Variants in ITGB3BP observed in about 807,000 individuals in gnomAD.
The protein encoded by ITGB3BP is integrin subunit beta 3 binding protein, also known as centromere protein R.
A neutral mutation model predicts 29.1 loss-of-function variants in ITGB3BP; 27 were observed. That is an observed-to-expected ratio of 0.93 (90% CI 0.68 to 1.28). The LOEUF (loss-of-function observed/expected upper bound fraction) is 1.28, where lower values mean the gene tolerates loss of function less well. Among genes scored for constraint, ITGB3BP ranks in the 50% most tolerant of loss-of-function variants. The pLI is 0.00. For missense variants in ITGB3BP, 192 were observed against 200.2 expected (o/e 0.96, Z 0.25); for synonymous variants, 61 against 61.4 (o/e 0.99, Z 0.03).
intron 1 of ITGB3BP, among the ~76,000 whole-genome samples, chr1:63,521,609 A>G (rs549595490): frequency 6.6e-6 from 1 of 152,246 alleles, no homozygotes; most frequent in African/African-American, 2.4e-5. Flanking sequence ...AGGTGGAAGG[A>G]TCACTTAAGC....
chr1:63,500,046 AT>A (rs1333085961), intron 2 of ITGB3BP, among the ~76,000 whole-genome samples: 4 of 152,216 alleles, frequency 2.6e-5, no homozygotes, highest in African/African-American at 7.2e-5. Flanking sequence ...AAGTAAAACT[AT>A]CCCTACTTGC....
chr1:63,459,178 G>A (rs1644977394), intron 4 of ITGB3BP, among the ~76,000 whole-genome samples: 1 of 151,892 alleles, frequency 6.6e-6, no homozygotes, highest in African/African-American at 2.4e-5. Flanking sequence ...CTAATTTAAT[G>A]AATCTTCTTT....
In ITGB3BP at chr1:63,453,975, C is replaced by T; in HGVS notation, c.428-1G>A. 1 of 1,556,788 alleles carries T rather than the reference C, an allele frequency of 6.4e-7. No homozygotes were observed. The highest frequency in any genetic ancestry group is 8.8e-7 in the Non-Finnish European group (1 of 1,135,020). ...AGTTTTTGTTTATTCACTTTTGTCA[C>T]TAAAAGAAGTAAAAATCCCATGTCA... On this transcript the variant is annotated splice_acceptor_variant, in intron 6 of 8. Coordinates refer to ENST00000271002, the MANE Select transcript of ITGB3BP (RefSeq NM_014288.5). LOFTEE classifies it high-confidence loss of function.
intron 4 of ITGB3BP, among the ~76,000 whole-genome samples, chr1:63,462,667 G>A (rs910710187): frequency 6.6e-6 from 1 of 152,080 alleles, no homozygotes; most frequent in African/African-American, 2.4e-5. Flanking sequence ...GGCCTAATAT[G>A]GAATATAGGC....
At chr1:63,442,792 A>G (rs1339131865) in intron 8 of ITGB3BP, 3 of 152,180 alleles carry the variant, frequency 2.0e-5, no homozygotes, top group African/African-American at 7.2e-5. Flanking sequence ...CTTGCCTTAT[A>G]TTTTGTGTCC....
chr1:63,509,918 C>T (rs754485564), intron 1 of ITGB3BP: 40 of 379,926 alleles, frequency 1.1e-4, no homozygotes, highest in Admixed American at 2.3e-4. Context: ...TTACACCAGG[C>T]GTGGTGGCTC....
rs1646140631 is a variant in ITGB3BP at position 63,508,989 on chromosome 1, GTGC to G, written c.6-422_6-420del. Among the ~76,000 whole-genome samples, 3 of 152,232 alleles carry G rather than the reference GTGC, an allele frequency of 2.0e-5. No individual in the cohort carries two copies. The East Asian group carries it at 5.8e-4, about 29-fold the overall frequency. ...ATGTTGAAAGTACAGTACAGAAACA[GTGC>G]ACTAGGTGTTAAAGGTATGAGCATG... On this transcript the variant is annotated intron_variant, in intron 1 of 8. Coordinates refer to ENST00000271002, the MANE Select transcript of ITGB3BP (RefSeq NM_014288.5).
intron 2 of ITGB3BP, among the ~76,000 whole-genome samples, chr1:63,493,777 T>C (rs1052266397): frequency 6.6e-6 from 1 of 152,212 alleles, no homozygotes; most frequent in African/African-American, 2.4e-5. Context: ...ATTTTACTGA[T>C]TTTTTTAAAC....
At chr1:63,441,279 C>G (rs1352309285) in intron 8 of ITGB3BP, among the ~76,000 whole-genome samples, 176 bp from the exon 9 acceptor site, 1 of 152,158 alleles carries the variant, frequency 6.6e-6, no homozygotes, top group Non-Finnish European at 1.5e-5. Context: ...TCACTCTCCC[C>G]CAGGCTGGAG....
chr1:63,525,364 T>G (rs184269237), upstream of ITGB3BP, among the ~76,000 whole-genome samples: 157 of 152,302 alleles, frequency 1.0e-3, 1 homozygote, highest in African/African-American at 3.6e-3. Flanking sequence ...TATTCTTGTT[T>G]AATATATAAT....
chr1:63,490,182 C>T lies in ITGB3BP; in HGVS notation c.85G>A (p.Val29Ile). The change falls in exon 3 of 9, where the codon GTT becomes ATT. Residue 29 changes from valine (V) to isoleucine (I), a missense_variant. By Grantham distance (29) the Val-to-Ile change is conservative. Transcript: ENST00000271002. ...DPSKITRKKSVITYSPTTGTC... is the reference protein window; with the variant it reads ...DPSKITRKKSIITYSPTTGTC... ...CCAGTTGTTGGAGAATAAGTTATAACACTTTTCTTCCTTGTGATTTTTGAA... is the reference window on the plus strand; with the variant it reads ...CCAGTTGTTGGAGAATAAGTTATAATACTTTTCTTCCTTGTGATTTTTGAA... 6.3e-7 allele frequency: 1 copy of T among 1,587,240 alleles called. No homozygotes were observed.
intron 8 of ITGB3BP, among the ~76,000 whole-genome samples, chr1:63,443,892 T>C (rs1033043936): frequency 6.6e-6 from 1 of 151,986 alleles, no homozygotes; most frequent in Non-Finnish European, 1.5e-5. Flanking sequence ...TGGGGGACAT[T>C]GTATGGCAGC....
At chr1:63,523,106 A>G in intron 1 of ITGB3BP, 23 bp downstream of exon 1, 1 of 1,613,932 alleles carries the variant, frequency 6.2e-7, no homozygotes, top group Non-Finnish European at 8.5e-7. Context: ...CAAAACAGCA[A>G]TACCTGGGGA....
intron 2 of ITGB3BP, among the ~76,000 whole-genome samples, chr1:63,493,453 C>A (rs1242528330): frequency 6.6e-6 from 1 of 151,672 alleles, no homozygotes; most frequent in Non-Finnish European, 1.5e-5. Flanking sequence ...AACAAACAAA[C>A]AAACCTGCTT....
At chr1:63,461,782 T>C (rs1324035035) in intron 4 of ITGB3BP, among the ~76,000 whole-genome samples, 1 of 152,242 alleles carries the variant, frequency 6.6e-6, no homozygotes, top group East Asian at 1.9e-4. Flanking sequence ...GCCATAGATG[T>C]ATGCATTTGT....
upstream of ITGB3BP, chr1:63,523,479 G>C (rs1404456401): frequency 7.8e-6 from 3 of 385,194 alleles, no homozygotes; most frequent in South Asian, 2.7e-5. Flanking sequence ...TAGCCGGATC[G>C]TTTGGAGAAG....
At chr1:63,478,163 G>A (rs1187411098) in intron 4 of ITGB3BP, among the ~76,000 whole-genome samples, 2 of 152,190 alleles carry the variant, frequency 1.3e-5, no homozygotes, top group Non-Finnish European at 2.9e-5. Flanking sequence ...CAGGACAGAG[G>A]CAACCATTCA....
At chr1:63,528,239 A>G (rs927680281) in intron 2 of ITGB3BP, among the ~76,000 whole-genome samples, 1 of 152,234 alleles carries the variant, frequency 6.6e-6, no homozygotes, top group Admixed American at 6.5e-5. Context: ...GTGGAGTACC[A>G]TTCAGCTATC....
intron 4 of ITGB3BP, 137 bp downstream of exon 4, chr1:63,478,627 T>C: frequency 1.9e-6 from 1 of 519,974 alleles, no homozygotes; most frequent in Non-Finnish European, 3.4e-6. Flanking sequence ...GGTATTCTAC[T>C]TACTTAAGAA....
Sources: allele counts gnomAD v4.1 joint callset (sites outside exome capture counted in the v4.1 genomes callset), GRCh38; gene constraint gnomAD v4.1.1; transcripts MANE v1.5; gene names NCBI Gene and HGNC (gene_info 2026-07-23, HGNC 2026-07-21).